DEPTOR: variants seen among roughly 807,000 people sequenced by gnomAD.
DEPTOR encodes DEP domain-containing mTOR-interacting protein.
A neutral mutation model predicts 41.6 loss-of-function variants in DEPTOR; 41 were observed. The ratio of observed to expected loss-of-function variants is 0.98; its 90% CI spans 0.77 to 1.28. The LOEUF (loss-of-function observed/expected upper bound fraction) is 1.28, where lower values mean the gene tolerates loss of function less well. DEPTOR is among the 50% of genes most tolerant of loss of function. The pLI is 0.00. For missense variants in DEPTOR, 514 were observed against 527.9 expected, an observed-to-expected ratio of 0.97 and a Z score of 0.26; for synonymous variants, 195 against 192.3, an observed-to-expected ratio of 1.01 and a Z score of -0.12.
In DEPTOR at chr8:119,966,445, G is replaced by T. The variant is rs1006914121; in HGVS notation, c.604+1035G>T. Among the ~76,000 whole-genome samples, 19 of 152,176 alleles carry T rather than the reference G, an allele frequency of 1.2e-4. 1 individual carries two copies. The highest frequency in any genetic ancestry group is 1.0e-3 in the Admixed American group (16 of 15,254). ...GGGCCAAGAGAACACTTTCCCCTTT[G>T]CCCTCTGAAGGTTTGCTGAAAATCA... On this transcript the variant is annotated intron_variant, in intron 4 of 8. Transcript: ENST00000286234.
rs1586602497 is a variant in DEPTOR at position 119,894,384 on chromosome 8, T to TTTATTTA, written c.122+20418_122+20419insATTTATT. On this transcript the variant is annotated intron_variant, in intron 1 of 8. Transcript: ENST00000286234. ...CTGCACCTGGCCTCTAATAGTTCTTTTTTATTTATTTATTTATTTATTTAT... is the reference window on the plus strand; with the variant it reads ...CTGCACCTGGCCTCTAATAGTTCTTTTTATTTATTTATTTATTTATTTATTTATTTAT... 6.9e-4 allele frequency among the ~76,000 whole-genome samples: 32 copies of TTTATTTA among 46,488 alleles called. No homozygotes were observed. In the East Asian group the frequency reaches 0.097, roughly 141 times the overall value. 30.5% of individuals were successfully genotyped at this position (46,488 alleles called of 152,430 possible).
chr8:119,942,504 C>T (rs17820965), intron 3 of DEPTOR, among the ~76,000 whole-genome samples: 14,387 of 152,230 alleles, frequency 0.095, 763 homozygotes, highest in South Asian at 0.22. Flanking sequence ...CCGCGTCCGG[C>T]CGTGACTTGA....
chr8:120,040,625 CTT>C (rs1813053912), intron 8 of DEPTOR, among the ~76,000 whole-genome samples: 1 of 151,450 alleles, frequency 6.6e-6, no homozygotes, highest in Admixed American at 6.6e-5. Context: ...TGCTTTTTCA[CTT>C]GAGCAATTGC....
At chr8:119,952,612 C>T (rs1228292097) in intron 3 of DEPTOR, among the ~76,000 whole-genome samples, 3 of 152,168 alleles carry the variant, frequency 2.0e-5, no homozygotes, top group Admixed American at 6.6e-5. Context: ...TGTGTTGTTC[C>T]CCCCGGGCCG....
At chr8:120,023,672 A>T (rs1356122628) in intron 8 of DEPTOR, among the ~76,000 whole-genome samples, 1 of 152,170 alleles carries the variant, frequency 6.6e-6, no homozygotes, top group East Asian at 1.9e-4. Flanking sequence ...AATCCTCCAA[A>T]ACAATGATTA....
intron 8 of DEPTOR, among the ~76,000 whole-genome samples, chr8:120,042,722 T>C (rs1813095966): frequency 6.6e-6 from 1 of 151,984 alleles, no homozygotes. Context: ...TCTCACCATG[T>C]TGGGTCAAGC....
At chr8:119,935,214 G>A (rs544757483) in intron 3 of DEPTOR, among the ~76,000 whole-genome samples, 2 of 152,254 alleles carry the variant, frequency 1.3e-5, no homozygotes, top group Admixed American at 6.5e-5. Context: ...TTTTGCATGG[G>A]CACAAGTACC....
intron 1 of DEPTOR, among the ~76,000 whole-genome samples, chr8:119,923,152 T>C (rs189394287): frequency 7.9e-5 from 12 of 152,332 alleles, no homozygotes; most frequent in Non-Finnish European, 1.8e-4. Flanking sequence ...ACTTATTATG[T>C]ATATTGAGGT....
intron 1 of DEPTOR, among the ~76,000 whole-genome samples, chr8:119,894,414 TG>T (rs1293509286): frequency 2.0e-5 from 3 of 151,514 alleles, no homozygotes; most frequent in Admixed American, 1.3e-4. Flanking sequence ...ATTTATTTTT[TG>T]AGACAGAGTC....
chr8:119,929,296 C>T, intron 2 of DEPTOR, among the ~76,000 whole-genome samples: 1 of 152,134 alleles, frequency 6.6e-6, no homozygotes, highest in African/African-American at 2.4e-5. Flanking sequence ...TTCTTCAGGT[C>T]TCCACTTACA....
At chr8:119,989,077 A>G (rs540495630) in intron 4 of DEPTOR, among the ~76,000 whole-genome samples, 121 of 150,828 alleles carry the variant, frequency 8.0e-4, no homozygotes, top group African/African-American at 2.8e-3. Context: ...CTAGGATTAC[A>G]TATATGAGCC....
chr8:119,890,075 G>T (rs369867268), intron 1 of DEPTOR, among the ~76,000 whole-genome samples: 1 of 150,964 alleles, frequency 6.6e-6, no homozygotes, highest in African/African-American at 2.4e-5. Context: ...AGTGATTCTC[G>T]TGCCTCAGCC....
rs1047706439 is a variant in DEPTOR at position 119,942,553 on chromosome 8, G to A, written c.425+12615G>A. Reference sequence around the variant, plus strand: ...ATATTGCTATTTGAATGGTAGACTGGACTCATTGATGGTGGAGATTGACTG... The same window carrying A: ...ATATTGCTATTTGAATGGTAGACTGAACTCATTGATGGTGGAGATTGACTG... On this transcript the variant is annotated intron_variant, in intron 3 of 8. Coordinates refer to ENST00000286234, the MANE Select transcript of DEPTOR (RefSeq NM_022783.4). 1.4e-4 allele frequency among the ~76,000 whole-genome samples: 21 copies of A among 152,144 alleles called. 1 individual carries two copies. The highest frequency in any genetic ancestry group is 4.8e-4 in the African/African-American group (20 of 41,438).
chr8:119,949,049 G>A (rs772091186), intron 3 of DEPTOR, among the ~76,000 whole-genome samples: 15 of 152,228 alleles, frequency 9.9e-5, no homozygotes, highest in Non-Finnish European at 2.2e-4. Context: ...GCCTCCCAAA[G>A]TGCTGGGATT....
chr8:120,027,924 G>A (rs1375025041), intron 8 of DEPTOR, among the ~76,000 whole-genome samples: 1 of 152,024 alleles, frequency 6.6e-6, no homozygotes, highest in Non-Finnish European at 1.5e-5. Flanking sequence ...GTTGGTCTGG[G>A]GTAAGGCTCA....
intron 8 of DEPTOR, among the ~76,000 whole-genome samples, chr8:120,041,408 T>A (rs563985738): frequency 6.6e-6 from 1 of 152,344 alleles, no homozygotes; most frequent in South Asian, 2.1e-4. Context: ...TTAGTAAGTT[T>A]GGCTTCCTAT....
chr8:119,874,208 T>G, intron 1 of DEPTOR: 1 of 574,530 alleles, frequency 1.7e-6, no homozygotes, highest in Non-Finnish European at 2.9e-6. Context: ...TGGTGCGCGC[T>G]GCGCCCTAGC....
chr8:119,926,319 C>G (rs919246122), intron 1 of DEPTOR, among the ~76,000 whole-genome samples: 2 of 152,116 alleles, frequency 1.3e-5, no homozygotes, highest in Admixed American at 6.5e-5. Context: ...AACTAGCTTT[C>G]CCTAGAAGAG....
chr8:120,035,881 A>G (rs1300692130), intron 8 of DEPTOR, among the ~76,000 whole-genome samples: 1 of 152,194 alleles, frequency 6.6e-6, no homozygotes, highest in Non-Finnish European at 1.5e-5. Context: ...GATAGAGAGA[A>G]TGCTGTCTGT....
Sources: gnomAD v4.1 joint callset for allele counts (sites outside exome capture counted in the v4.1 genomes callset) on GRCh38, gnomAD v4.1.1 for gene constraint, MANE v1.5 for transcripts, NCBI Gene and HGNC (gene_info 2026-07-23, HGNC 2026-07-21) for gene names.